The following FRK variants were observed in gnomAD, a reference collection of about 807,000 sequenced individuals.
FRK encodes fyn related Src family tyrosine kinase.
In FRK, 51 loss-of-function variants were observed where a neutral mutation model predicts 56.4. The ratio of observed to expected loss-of-function variants is 0.90; its 90% CI spans 0.72 to 1.14. The LOEUF is 1.14. Among genes scored for constraint, FRK ranks in the 50% most tolerant of loss-of-function variants. The pLI, the probability that FRK is intolerant of heterozygous loss-of-function variation, is 0.00. For missense variants in FRK, 570 were observed against 601.4 expected, an observed-to-expected ratio of 0.95 and a Z score of 0.55; for synonymous variants, 245 against 217.9, an observed-to-expected ratio of 1.12 and a Z score of -1.10.
chr6:116,097,644 T>C, the FRK span, among the ~76,000 whole-genome samples: 1 of 152,242 alleles, frequency 6.6e-6, no homozygotes, highest in Non-Finnish European at 1.5e-5. Flanking sequence ...AGCAGATCAA[T>C]TGTAATAATG....
At chr6:116,032,183 C>T (rs1336152821) in intron 1 of FRK, among the ~76,000 whole-genome samples, 1 of 151,884 alleles carries the variant, frequency 6.6e-6, no homozygotes, top group Non-Finnish European at 1.5e-5. Context: ...AAGATCAACA[C>T]AGGTAAAAAT....
Position 115,939,486 on chromosome 6 carries a change from A to G in FRK, c.*2928T>C, listed in dbSNP as rs1277110993. 1 of 152,218 alleles carries G rather than the reference A, an allele frequency of 6.6e-6. No homozygotes were observed. Among genetic ancestry groups the G allele is most frequent in the Admixed American group, 6.5e-5 (1 of 15,282 alleles). The allele number at this position is 152,218 out of a possible 1,614,324, so 9.4% of individuals were successfully genotyped here. ...AGTATTGAAAGTTCTGGCCAGGGCA[A>G]TCAGGCAAGAGAAAGAAATAAAGGG... On this transcript the variant is annotated 3_prime_UTR_variant, in exon 8 of 8. Transcript: ENST00000606080.
At chr6:116,085,717 T>G in the FRK span, among the ~76,000 whole-genome samples, 1 of 151,966 alleles carries the variant, frequency 6.6e-6, no homozygotes, top group Admixed American at 6.6e-5. Context: ...TGTGTGGGTG[T>G]GTGTGTGTGT....
intron 1 of FRK, among the ~76,000 whole-genome samples, chr6:116,055,848 G>A (rs927270820): frequency 1.3e-5 from 2 of 152,206 alleles, no homozygotes; most frequent in African/African-American, 4.8e-5. Context: ...AGAGATGATT[G>A]TAGTGATCTA....
At chr6:115,943,687 T>C (rs1242422790) in intron 6 of FRK, among the ~76,000 whole-genome samples, 1 of 152,098 alleles carries the variant, frequency 6.6e-6, no homozygotes, top group Non-Finnish European at 1.5e-5. Context: ...TTCATGAAGA[T>C]TAAAAGGGAA....
intron 3 of FRK, 126 bp downstream of exon 3, chr6:115,968,444 GTTTGCC>G: frequency 1.1e-6 from 1 of 882,028 alleles, no homozygotes; most frequent in Non-Finnish European, 1.8e-6. Flanking sequence ...ATAGGCCATG[GTTTGCC>G]TATACCCGCC....
At chr6:115,971,822 A>C (rs1411565593) in intron 2 of FRK, among the ~76,000 whole-genome samples, 1 of 152,190 alleles carries the variant, frequency 6.6e-6, no homozygotes, top group Non-Finnish European at 1.5e-5. Flanking sequence ...GAAACATGGT[A>C]TGGGTGCCTT....
At chr6:115,950,230 T>C (rs1199494691) in intron 5 of FRK, among the ~76,000 whole-genome samples, 1 of 152,104 alleles carries the variant, frequency 6.6e-6, no homozygotes, top group East Asian at 1.9e-4. Flanking sequence ...GAAACCATCA[T>C]CAGAGTGAAC....
upstream of FRK, among the ~76,000 whole-genome samples, chr6:116,061,956 AAAGAAAG>A (rs1777638896): frequency 6.6e-6 from 1 of 152,124 alleles, no homozygotes. Context: ...AGGAAGAAAG[AAAGAAAG>A]AAGAAAGAAA....
intron 1 of FRK, among the ~76,000 whole-genome samples, chr6:116,042,837 A>C (rs1192976421): frequency 1.3e-5 from 2 of 152,158 alleles, no homozygotes; most frequent in Non-Finnish European, 2.9e-5. Context: ...TATTCAGGAG[A>C]TCCATCTCAC....
At chr6:115,988,472 C>T (rs756086371) in intron 2 of FRK, among the ~76,000 whole-genome samples, 1 of 151,990 alleles carries the variant, frequency 6.6e-6, no homozygotes, top group Non-Finnish European at 1.5e-5. Context: ...TTAAATTGTA[C>T]ATTTGTTTTC....
chr6:115,959,489 TAC>T (rs2114573924), intron 4 of FRK, among the ~76,000 whole-genome samples: 1 of 152,312 alleles, frequency 6.6e-6, no homozygotes, highest in South Asian at 2.1e-4. Flanking sequence ...TAAAAGCATA[TAC>T]ACAGTGATTG....
chr6:115,955,878 T>C (rs1652465089), intron 5 of FRK, among the ~76,000 whole-genome samples: 1 of 152,204 alleles, frequency 6.6e-6, no homozygotes, highest in South Asian at 2.1e-4. Context: ...CAAAATTTCA[T>C]AATGCCCTTC....
chr6:115,979,788 A>G (rs1774129572), intron 2 of FRK, among the ~76,000 whole-genome samples: 1 of 152,180 alleles, frequency 6.6e-6, no homozygotes, highest in African/African-American at 2.4e-5. Flanking sequence ...ACAGTTGCTT[A>G]CAGTATTCAG....
At chr6:116,065,605 G>A (rs1048423034), upstream of FRK, among the ~76,000 whole-genome samples, 8 of 152,176 alleles carry the variant, frequency 5.3e-5, no homozygotes, top group East Asian at 1.2e-3. Context: ...TTTAAGAATC[G>A]AATAAAATGT....
chr6:116,046,503 C>T (rs1287602586), intron 1 of FRK, among the ~76,000 whole-genome samples: 3 of 152,130 alleles, frequency 2.0e-5, no homozygotes, highest in Non-Finnish European at 2.9e-5. Flanking sequence ...AAGCTGGAAA[C>T]CATCTTTCTC....
At chr6:116,069,461 G>GA in the FRK span, among the ~76,000 whole-genome samples, 14 of 152,072 alleles carry the variant, frequency 9.2e-5, no homozygotes, top group African/African-American at 3.1e-4. Context: ...ATATTACTGT[G>GA]AAAAAAATAT....
At chr6:116,076,184 C>A in the FRK span, among the ~76,000 whole-genome samples, 1 of 151,978 alleles carries the variant, frequency 6.6e-6, no homozygotes, top group East Asian at 1.9e-4. Flanking sequence ...TGATGATTGC[C>A]AGATGATAAA....
the FRK span, among the ~76,000 whole-genome samples, chr6:116,099,613 G>A: frequency 6.6e-6 from 1 of 152,162 alleles, no homozygotes; most frequent in Non-Finnish European, 1.5e-5. Flanking sequence ...TTTGTTTGGG[G>A]CTTTTAAGTG....
Sources: allele counts gnomAD v4.1 joint callset (sites outside exome capture counted in the v4.1 genomes callset), GRCh38; gene constraint gnomAD v4.1.1; transcripts MANE v1.5; gene names NCBI Gene and HGNC (gene_info 2026-07-23, HGNC 2026-07-21).